The following PARN variants were observed in gnomAD, a reference collection of about 807,000 sequenced individuals.
The protein encoded by PARN is poly(A)-specific ribonuclease.
PARN carries 71 observed loss-of-function variants against 102.8 expected under a neutral mutation model. That is an observed-to-expected ratio of 0.69 (90% CI 0.57 to 0.84). PARN has a LOEUF of 0.84. Ranked by LOEUF, PARN falls within the 40% of genes least tolerant of loss-of-function variation. The probability of loss-of-function intolerance (pLI) is 0.00; values close to 1 mark genes in which losing one functional copy is unlikely to be tolerated. For missense variants in PARN, 782 were observed against 760.9 expected (o/e 1.03, Z -0.33); for synonymous variants, 261 against 252.9 (o/e 1.03, Z -0.30).
intron 21 of PARN, among the ~76,000 whole-genome samples, chr16:14,512,175 T>G (rs1325775844): frequency 6.6e-6 from 1 of 152,208 alleles, no homozygotes; most frequent in Non-Finnish European, 1.5e-5. Context: ...TGAGAACTCC[T>G]TGACTTGTCA....
chr16:14,573,994 G>A (rs976492731), intron 18 of PARN, among the ~76,000 whole-genome samples: 2 of 152,228 alleles, frequency 1.3e-5, no homozygotes. Context: ...AAATGTGAAA[G>A]TGACTTTGAA....
At chr16:14,532,037 T>G (rs1322201999) in intron 21 of PARN, among the ~76,000 whole-genome samples, 1 of 152,116 alleles carries the variant, frequency 6.6e-6, no homozygotes, top group Non-Finnish European at 1.5e-5. Flanking sequence ...TACTCCAGCT[T>G]GACCCTGTCA....
chr16:14,589,703 T>C (rs1040409899), intron 13 of PARN, among the ~76,000 whole-genome samples: 4 of 151,356 alleles, frequency 2.6e-5, no homozygotes, highest in Admixed American at 2.0e-4. Flanking sequence ...CCGTCTCTAC[T>C]AAAAATACAA....
intron 21 of PARN, 100 bp downstream of exon 21, chr16:14,551,921 G>C (rs1404459557): frequency 1.4e-6 from 1 of 726,986 alleles, no homozygotes; most frequent in African/African-American, 1.8e-5. Context: ...GCAGCAATGA[G>C]TGTAAGCTGA....
intron 21 of PARN, 144 bp from the exon 22 acceptor site, chr16:14,482,971 A>C (rs1963466691): frequency 1.7e-6 from 1 of 590,458 alleles, no homozygotes; most frequent in Non-Finnish European, 2.8e-6. Context: ...CCTGGAAGAC[A>C]AATGACCTTG....
At chr16:14,586,479 G>A in intron 13 of PARN, 118 bp from the exon 14 acceptor site, 1 of 618,586 alleles carries the variant, frequency 1.6e-6, no homozygotes, top group Non-Finnish European at 2.9e-6. Context: ...GGGCCCTTAA[G>A]CTAAACTACA....
intron 21 of PARN, among the ~76,000 whole-genome samples, chr16:14,495,573 C>A (rs1207075275): frequency 1.3e-5 from 2 of 152,184 alleles, no homozygotes; most frequent in Non-Finnish European, 2.9e-5. Flanking sequence ...TAAGAACAGG[C>A]TCTGTGGTGT....
chr16:14,520,754 C>A (rs1481932992), intron 21 of PARN, among the ~76,000 whole-genome samples: 1 of 151,734 alleles, frequency 6.6e-6, no homozygotes, highest in Non-Finnish European at 1.5e-5. Flanking sequence ...CCAGTGAATA[C>A]AATATGGATC....
chr16:14,567,395 T>C (rs1395170725), intron 18 of PARN, among the ~76,000 whole-genome samples: 1 of 152,188 alleles, frequency 6.6e-6, no homozygotes, highest in African/African-American at 2.4e-5. Flanking sequence ...TTTAAAGACG[T>C]ATTTCCTGGG....
At chr16:14,498,118 A>G (rs1354501912) in intron 21 of PARN, among the ~76,000 whole-genome samples, 1 of 138,820 alleles carries the variant, frequency 7.2e-6, no homozygotes, top group Non-Finnish European at 1.6e-5. Flanking sequence ...GAGAGACTCC[A>G]TCTCAAAAAA....
chr16:14,599,847 A>G, intron 12 of PARN, 57 bp downstream of exon 12: 1 of 995,222 alleles, frequency 1.0e-6, no homozygotes, highest in Non-Finnish European at 1.6e-6. Flanking sequence ...TGATAATTAG[A>G]TACTTCACCT....
At chr16:14,493,139 A>C (rs1964142823) in intron 21 of PARN, among the ~76,000 whole-genome samples, 1 of 152,208 alleles carries the variant, frequency 6.6e-6, no homozygotes, top group South Asian at 2.1e-4. Flanking sequence ...ATTTTCCGAG[A>C]CCAAAATTAG....
At chr16:14,504,165 C>T (rs1185674284) in intron 21 of PARN, among the ~76,000 whole-genome samples, 3 of 152,234 alleles carry the variant, frequency 2.0e-5, no homozygotes, top group East Asian at 1.9e-4. Context: ...CACAAGGATA[C>T]GTAAATTTTT....
chr16:14,543,930 C>T (rs1427507667), intron 21 of PARN, among the ~76,000 whole-genome samples: 1 of 152,226 alleles, frequency 6.6e-6, no homozygotes, highest in East Asian at 1.9e-4. Flanking sequence ...CACGGTGGCT[C>T]ACGCCTGTAA....
intron 18 of PARN, among the ~76,000 whole-genome samples, chr16:14,570,057 G>A (rs1230248923): frequency 2.0e-5 from 3 of 152,064 alleles, no homozygotes; most frequent in African/African-American, 7.2e-5. Context: ...TAGGAAAGAG[G>A]AGGCCGGGTG....
Position 14,588,417 on chromosome 16 carries a change from G to A in PARN, c.919-2056C>T, listed in dbSNP as rs375552945. Among the ~76,000 whole-genome samples, 28 of 152,218 alleles carry A rather than the reference G, an allele frequency of 1.8e-4. No homozygotes were observed. In the South Asian group the frequency reaches 5.4e-3, roughly 29 times the overall value. On this transcript the variant is annotated intron_variant, in intron 13 of 23. Transcript: ENST00000437198. Reference sequence around the variant, plus strand: ...TTTCAGCAGGGTCAGTGACAGGAACGGAGCCATACATCAGAAGATTACAAA... The same window carrying A: ...TTTCAGCAGGGTCAGTGACAGGAACAGAGCCATACATCAGAAGATTACAAA...
intron 11 of PARN, among the ~76,000 whole-genome samples, chr16:14,603,409 A>G (rs183051209): frequency 6.6e-6 from 1 of 152,202 alleles, no homozygotes; most frequent in African/African-American, 2.4e-5. Context: ...ACATTCATCC[A>G]CATGCAAACC....
At position 14,532,838 on chromosome 16, in the gene PARN, T is replaced by C. The variant is rs370005597; in HGVS notation, c.1480+19183A>G. On this transcript the variant is annotated intron_variant, in intron 21 of 23. Coordinates refer to ENST00000437198, the MANE Select transcript of PARN (RefSeq NM_002582.4). Reference sequence around the variant, plus strand: ...CCCCCCACCTCCCTCCCGGACGGGGTGGCTGGCCGGGCGGGGGGCTGACCC... The same window carrying C: ...CCCCCCACCTCCCTCCCGGACGGGGCGGCTGGCCGGGCGGGGGGCTGACCC... 1.3e-3 allele frequency among the ~76,000 whole-genome samples: 169 copies of C among 129,494 alleles called. 1 individual carries two copies. Among genetic ancestry groups the C allele is most frequent in the African/African-American group, 4.3e-3 (148 of 34,444 alleles). The allele number at this position is 129,494 out of a possible 152,430, so 85.0% of individuals were successfully genotyped here.
At chr16:14,629,894 G>A (rs1343977656) in intron 1 of PARN, among the ~76,000 whole-genome samples, 3 of 152,220 alleles carry the variant, frequency 2.0e-5, no homozygotes, top group Non-Finnish European at 4.4e-5. Flanking sequence ...GGCCCCGGAT[G>A]GTGCCGGGGT....
Sources: gnomAD v4.1 joint callset for allele counts (sites outside exome capture counted in the v4.1 genomes callset) on GRCh38, gnomAD v4.1.1 for gene constraint, MANE v1.5 for transcripts, NCBI Gene and HGNC (gene_info 2026-07-23, HGNC 2026-07-21) for gene names.